ARHGAP29: variants seen among roughly 807,000 people sequenced by gnomAD.
The protein encoded by ARHGAP29 is rho GTPase-activating protein 29.
A neutral mutation model predicts 122.6 loss-of-function variants in ARHGAP29; 43 were observed. The observed-to-expected ratio is 0.35, with a 90% confidence interval of 0.27 to 0.45. ARHGAP29 has a LOEUF of 0.45. Among genes scored for constraint, ARHGAP29 ranks in the 20% least tolerant of loss-of-function variants. The probability of loss-of-function intolerance (pLI) is 1.00; values close to 1 mark genes in which losing one functional copy is unlikely to be tolerated. For missense variants in ARHGAP29, 1,303 were observed against 1,477.2 expected (o/e 0.88, Z 1.93); for synonymous variants, 506 against 497.1 (o/e 1.02, Z -0.24).
At chr1:94,214,872 T>A (rs903025887) in intron 3 of ARHGAP29, among the ~76,000 whole-genome samples, 2 of 152,176 alleles carry the variant, frequency 1.3e-5, no homozygotes, top group African/African-American at 4.8e-5. Context: ...AAAATACATA[T>A]TGCATCATGA....
At position 94,237,555 on chromosome 1, in the gene ARHGAP29, G is replaced by GCAGCCA. The variant is rs1165926883; in HGVS notation, c.-179_-174dup. 4.2e-5 allele frequency: 42 copies of GCAGCCA among 990,930 alleles called. No homozygotes were observed. The highest frequency in any genetic ancestry group is 2.8e-4 in the African/African-American group (16 of 57,174). The allele number at this position is 990,930 out of a possible 1,614,324, so 61.4% of individuals were successfully genotyped here. A position where few individuals can be genotyped will look rare whatever the true frequency, so the allele number is the denominator to read the frequency against. Reference sequence around the variant, plus strand: ...CCAAATCTCAGCCGCAGCCGCAGCCGCAGCCACAGCCACAGGCACCACCAC... The same window carrying GCAGCCA: ...CCAAATCTCAGCCGCAGCCGCAGCCGCAGCCACAGCCACAGCCACAGGCACCACCAC... On this transcript the variant is annotated 5_prime_UTR_variant, in exon 1 of 23. Transcript: ENST00000260526.
chr1:94,282,340 G>A, the ARHGAP29 span, among the ~76,000 whole-genome samples: 1 of 151,828 alleles, frequency 6.6e-6, no homozygotes, highest in Non-Finnish European at 1.5e-5. Context: ...AGGCCAGAGT[G>A]CAGTGGTGCA....
At chr1:94,223,631 G>T (rs1169222575) in intron 2 of ARHGAP29, among the ~76,000 whole-genome samples, 2 of 151,758 alleles carry the variant, frequency 1.3e-5, no homozygotes, top group Non-Finnish European at 2.9e-5. Context: ...ACATATATAT[G>T]TATGTATATA....
At chr1:94,213,107 C>CTATATTGCCTATA (rs1311150739) in intron 3 of ARHGAP29, among the ~76,000 whole-genome samples, 1 of 152,196 alleles carries the variant, frequency 6.6e-6, no homozygotes, top group African/African-American at 2.4e-5. Context: ...TATTGCCTTC[C>CTATATTGCCTATA]TTCCCAAGTT....
chr1:94,274,057 A>G (rs1447076641), intron 1 of ARHGAP29, among the ~76,000 whole-genome samples: 1 of 152,202 alleles, frequency 6.6e-6, no homozygotes, highest in Non-Finnish European at 1.5e-5. Context: ...TATTATCCCC[A>G]CTATCCAAAT....
chr1:94,225,397 A>C (rs892680938), intron 2 of ARHGAP29, among the ~76,000 whole-genome samples: 3 of 152,140 alleles, frequency 2.0e-5, no homozygotes, highest in Non-Finnish European at 4.4e-5. Context: ...ATATCAAATA[A>C]GTAGAAATAA....
At chr1:94,283,856 C>G in the ARHGAP29 span, among the ~76,000 whole-genome samples, 2 of 152,146 alleles carry the variant, frequency 1.3e-5, no homozygotes. Context: ...AAGTCCCAAT[C>G]CCATTTCCAA....
chr1:94,236,287 C>T (rs1474765078), intron 1 of ARHGAP29, among the ~76,000 whole-genome samples: 2 of 152,194 alleles, frequency 1.3e-5, no homozygotes, highest in Non-Finnish European at 2.9e-5. Context: ...AAAGAGGAAG[C>T]TGCCCAGCAT....
At chr1:94,271,798 T>C (rs1655004695) in intron 1 of ARHGAP29, among the ~76,000 whole-genome samples, 1 of 152,226 alleles carries the variant, frequency 6.6e-6, no homozygotes, top group Non-Finnish European at 1.5e-5. Context: ...TTCGAAGTTC[T>C]GTTCCCCAAA....
At chr1:94,245,189 T>C (rs1031827478) in intron 1 of ARHGAP29, among the ~76,000 whole-genome samples, 5 of 152,226 alleles carry the variant, frequency 3.3e-5, no homozygotes, top group Admixed American at 3.3e-4. Flanking sequence ...GGCAGTTTCT[T>C]ACACAGGAAA....
intron 2 of ARHGAP29, among the ~76,000 whole-genome samples, chr1:94,225,868 G>C (rs564606986): frequency 1.3e-5 from 2 of 151,818 alleles, no homozygotes; most frequent in Admixed American, 6.6e-5. Context: ...CCCAATGTTT[G>C]CTTGTTTCTC....
chr1:94,295,766 T>C, the ARHGAP29 span, among the ~76,000 whole-genome samples: 8 of 152,196 alleles, frequency 5.3e-5, no homozygotes, highest in South Asian at 8.3e-4. Flanking sequence ...AATCTTCTAA[T>C]TCCACACAAT....
At chr1:94,228,362 C>T (rs980318695) in intron 2 of ARHGAP29, among the ~76,000 whole-genome samples, 2 of 151,760 alleles carry the variant, frequency 1.3e-5, no homozygotes, top group African/African-American at 4.8e-5. Context: ...ATCTCCAACT[C>T]TAATCAAATT....
chr1:94,246,975 G>A (rs940746936), intron 1 of ARHGAP29, among the ~76,000 whole-genome samples: 9 of 152,106 alleles, frequency 5.9e-5, no homozygotes, highest in Non-Finnish European at 8.8e-5. Context: ...AGGGGCACAC[G>A]GTGAGAATGC....
chr1:94,298,685 G>A, the ARHGAP29 span, among the ~76,000 whole-genome samples: 5 of 152,050 alleles, frequency 3.3e-5, no homozygotes, highest in East Asian at 9.6e-4. Context: ...CTGTTCTTAT[G>A]GTTAAGGACC....
chr1:94,285,076 A>C, the ARHGAP29 span, among the ~76,000 whole-genome samples: 5 of 152,330 alleles, frequency 3.3e-5, no homozygotes, highest in South Asian at 1.0e-3. Flanking sequence ...AACATGTACA[A>C]GGCACAGAGT....
chr1:94,277,957 A>G (rs1271479704), upstream of ARHGAP29, among the ~76,000 whole-genome samples: 8 of 152,226 alleles, frequency 5.3e-5, no homozygotes, highest in Non-Finnish European at 1.2e-4. Context: ...TTTTTGAAAA[A>G]TAGACACATC....
rs1464796896 is a variant in ARHGAP29, at chr1:94,208,839, T to C, written c.503A>G (p.Glu168Gly). 6.2e-7 allele frequency: 1 copy of C among 1,613,796 alleles called. No homozygotes were observed. The highest frequency in any genetic ancestry group is 8.5e-7 in the Non-Finnish European group (1 of 1,179,874). Residue 168 changes from glutamate (E) to glycine (G), a missense_variant, in exon 5 of 23, where the codon GAA becomes GGA. Glu to Gly is a moderately conservative substitution (Grantham distance 98). Around this residue, in one of 3 missense-constraint regions of ARHGAP29, gnomAD observed 592 missense variants for 648.2 expected, o/e 0.91. Transcript: ENST00000260526. ...CACACAAACTTAGCTTACCTTAGTT[T>C]CTCGAGAAACAGGCAGTCGCAATAA... ...DSLLRLPVSR[E>G]TKSFENVSVE... is the part of the protein sequence containing the mutation.
At chr1:94,235,900 T>G (rs752982641) in intron 1 of ARHGAP29, among the ~76,000 whole-genome samples, 1 of 152,316 alleles carries the variant, frequency 6.6e-6, no homozygotes, top group Non-Finnish European at 1.5e-5. Flanking sequence ...GCATGCCCCC[T>G]GCCAAATGCA....
Sources: allele counts gnomAD v4.1 joint callset (sites outside exome capture counted in the v4.1 genomes callset), GRCh38; gene constraint gnomAD v4.1.1; regional missense constraint gnomAD v4.1.1; transcripts MANE v1.5; gene names NCBI Gene and HGNC (gene_info 2026-07-23, HGNC 2026-07-21).